The following BRF1 variants were observed in gnomAD, a reference collection of about 807,000 sequenced individuals.
BRF1 encodes BRF1 general transcription factor IIIB subunit.
BRF1 carries 59 observed loss-of-function variants against 81.7 expected under a neutral mutation model. The ratio of observed to expected loss-of-function variants is 0.72; its 90% CI spans 0.59 to 0.90. The LOEUF is 0.90. Ranked by LOEUF, BRF1 falls within the 40% of genes least tolerant of loss-of-function variation. The pLI is 0.00. For missense variants in BRF1, 1,050 were observed against 936.3 expected (o/e 1.12, Z -1.58); for synonymous variants, 491 against 395.6 (o/e 1.24, Z -2.86).
chr14:105,315,032 G>A lies in BRF1; in HGVS notation c.-162+290C>T. 1 of 1,201,926 alleles carries A rather than the reference G, an allele frequency of 8.3e-7. No homozygotes were observed. The highest frequency in any genetic ancestry group is 1.0e-6 in the Non-Finnish European group (1 of 953,772). The allele number at this position is 1,201,926 out of a possible 1,614,324, so 74.5% of individuals were successfully genotyped here. ...TGGACGGCTCCAGCCCCAGCTGCGT[G>A]CCCAGGTACGCGCCGCCCGCCGCGC... On this transcript the variant is annotated intron_variant, in intron 1 of 17. Coordinates refer to the BRF1 transcript ENST00000327359. The surrounding 1 kb of genome is among the most constrained non-coding windows in gnomAD (Gnocchi z 4.4).
chr14:105,228,783 C>A (rs1002468275), intron 7 of BRF1, 37 bp downstream of exon 7: 1 of 1,609,714 alleles, frequency 6.2e-7, no homozygotes. Context: ...GATGAAGCCT[C>A]TGTGTGGTCC....
intron 2 of BRF1, among the ~76,000 whole-genome samples, chr14:105,281,853 CAT>C (rs1258006249): frequency 2.0e-5 from 3 of 151,818 alleles, no homozygotes; most frequent in Non-Finnish European, 4.4e-5. Context: ...AGGCCTGACT[CAT>C]GTGGATTTGT....
Position 105,212,169 on chromosome 14 carries a change from A to T in BRF1, c.1773-5T>A, listed in dbSNP as rs1890222283. Reference sequence around the variant, plus strand: ...GTAGACACCAGAGGCCTCAACCTGCAAAAGGAAGCACAGCATGGCGGCCTC... The same window carrying T: ...GTAGACACCAGAGGCCTCAACCTGCTAAAGGAAGCACAGCATGGCGGCCTC... On this transcript the variant is annotated splice_polypyrimidine_tract_variant and splice_region_variant and intron_variant, in intron 15 of 17. Coordinates refer to ENST00000547530, the MANE Select transcript of BRF1 (RefSeq NM_001519.4). The T allele has an allele frequency of 6.2e-7, 1 of 1,611,368 alleles. No individual in the cohort carries two copies. Among genetic ancestry groups the T allele is most frequent in the Non-Finnish European group, 8.5e-7 (1 of 1,179,080 alleles).
chr14:105,314,985 A>G (rs2058503507), intron 1 of BRF1: 2 of 1,247,924 alleles, frequency 1.6e-6, no homozygotes, highest in South Asian at 1.6e-5. Context: ...CGTGCCCATG[A>G]ACCTGTTCGC....
At chr14:105,286,253 T>G (rs1454638534) in intron 2 of BRF1, 43 bp downstream of exon 2, 1 of 1,578,240 alleles carries the variant, frequency 6.3e-7, no homozygotes, top group African/African-American at 1.3e-5. Flanking sequence ...TCCCCATCTC[T>G]GGGACCCGCC....
rs1259797087 is a variant in BRF1 at position 105,210,246 on chromosome 14, A to C, written c.*305T>G. On this transcript the variant is annotated 3_prime_UTR_variant, in exon 18 of 18. Transcript: ENST00000547530. This position sits in a 1 kb window ranked among gnomAD's most constrained non-coding sequence, Gnocchi z 4.7. ...CAAGCCTGTTTCCTTAATAGTAGCA[A>C]CACCACACTGCCAGCCTTGGAGGGT... The C allele has an allele frequency of 2.3e-6, 1 of 435,866 alleles. No homozygotes were observed. Among genetic ancestry groups the C allele is most frequent in the African/African-American group, 2.0e-5 (1 of 49,488 alleles). The allele number at this position is 435,866 out of a possible 1,614,324, so 27.0% of individuals were successfully genotyped here. A position where few individuals can be genotyped will look rare whatever the true frequency, so the allele number is the denominator to read the frequency against.
At chr14:105,252,976 G>A (rs115425976) in intron 4 of BRF1, among the ~76,000 whole-genome samples, 3 of 152,172 alleles carry the variant, frequency 2.0e-5, no homozygotes, top group Non-Finnish European at 4.4e-5. Context: ...TGGGCCCAGG[G>A]GTCTTGGCCT....
At chr14:105,250,607 T>C in intron 5 of BRF1, 4 of 1,614,002 alleles carry the variant, frequency 2.5e-6, no homozygotes, top group Non-Finnish European at 3.4e-6. Context: ...CCAGTGCTCC[T>C]CGGACAGCAC....
chr14:105,297,450 G>C (rs1000211837), intron 1 of BRF1, among the ~76,000 whole-genome samples: 3 of 151,858 alleles, frequency 2.0e-5, no homozygotes, highest in Non-Finnish European at 2.9e-5. Flanking sequence ...TGTGCCTGCA[G>C]TCCCAGCTAC....
At chr14:105,240,997 C>G (rs898890717) in intron 6 of BRF1, among the ~76,000 whole-genome samples, 1 of 152,202 alleles carries the variant, frequency 6.6e-6, no homozygotes, top group African/African-American at 2.4e-5. Context: ...TGCAGCCGCA[C>G]CCCAGAAGTA....
At position 105,219,144 on chromosome 14, in the gene BRF1, C is replaced by T. The variant is rs371048487; in HGVS notation, c.1459+7G>A. The stretch of plus-strand genomic sequence containing the variant: ...CCTGCGTGTGAGTGTGGGCGGGTGG[C>T]GCTTACCCCTCTGTTCCCGCAGGTA... On this transcript the variant is annotated splice_region_variant and intron_variant, in intron 13 of 17. Coordinates refer to ENST00000547530, the MANE Select transcript of BRF1 (RefSeq NM_001519.4). The T allele has an allele frequency of 2.5e-4, 410 of 1,612,174 alleles. No homozygotes were observed. The highest frequency in any genetic ancestry group is 3.3e-4 in the Non-Finnish European group (391 of 1,178,602).
chr14:105,300,403 G>C, intron 1 of BRF1, 43 bp downstream of exon 1: 1 of 1,484,496 alleles, frequency 6.7e-7, no homozygotes, highest in Non-Finnish European at 8.9e-7. Context: ...GCCCGCCTAA[G>C]CCGCACCGAG....
intron 3 of BRF1, among the ~76,000 whole-genome samples, chr14:105,267,956 C>T (rs1330841293): frequency 6.7e-6 from 1 of 149,256 alleles, no homozygotes; most frequent in Non-Finnish European, 1.5e-5. Context: ...CTTGCTCCCA[C>T]GCGTGGCCAG....
chr14:105,271,709 C>G lies in BRF1; in HGVS notation c.439+1012G>C, dbSNP rs1188638251. Among the ~76,000 whole-genome samples the G allele has an allele frequency of 6.6e-6, 1 of 152,228 alleles. No individual in the cohort carries two copies. The highest frequency in any genetic ancestry group is 2.4e-5 in the African/African-American group (1 of 41,462). The stretch of plus-strand genomic sequence containing the variant: ...CCCTGTCAAGAGGCCGAAGGCAGCT[C>G]CTGACCCATGTGTGTGTCTGCAGAT... On this transcript the variant is annotated intron_variant, in intron 3 of 17. Transcript: ENST00000547530. The surrounding 1 kb of genome is among the most constrained non-coding windows in gnomAD (Gnocchi z 5.5).
At chr14:105,270,234 C>T (rs372238557) in intron 3 of BRF1, among the ~76,000 whole-genome samples, 3 of 149,314 alleles carry the variant, frequency 2.0e-5, no homozygotes, top group Non-Finnish European at 3.0e-5. Flanking sequence ...AGTGCAGTGG[C>T]GCGATCTCGG....
intron 5 of BRF1, chr14:105,251,081 G>C: frequency 4.7e-6 from 1 of 210,764 alleles, no homozygotes; most frequent in Non-Finnish European, 1.1e-5. Flanking sequence ...AATAAAGGTT[G>C]CCTAAAATAA....
At chr14:105,223,275 A>T (rs1892570923) in intron 10 of BRF1, among the ~76,000 whole-genome samples, 1 of 152,246 alleles carries the variant, frequency 6.6e-6, no homozygotes, top group African/African-American at 2.4e-5. Flanking sequence ...AAAGGAAATC[A>T]ACGTCCACAC....
chr14:105,272,362 C>T (rs1428062996), intron 3 of BRF1, among the ~76,000 whole-genome samples: 3 of 152,232 alleles, frequency 2.0e-5, no homozygotes, highest in Non-Finnish European at 4.4e-5. Context: ...AGCACCCCAC[C>T]TGCTCAGGCC....
intron 1 of BRF1, among the ~76,000 whole-genome samples, chr14:105,290,890 C>G (rs755812185): frequency 6.6e-6 from 1 of 151,978 alleles, no homozygotes; most frequent in Non-Finnish European, 1.5e-5. Context: ...TGCCTCACAC[C>G]CTGGTGCGTG....
Sources: gnomAD v4.1 joint callset for allele counts (sites outside exome capture counted in the v4.1 genomes callset) on GRCh38, gnomAD v4.1.1 for gene constraint, Gnocchi (gnomAD v3.1) non-coding constraint, MANE v1.5 for transcripts, NCBI Gene and HGNC (gene_info 2026-07-23, HGNC 2026-07-21) for gene names.